MORN2: variants seen among roughly 807,000 people sequenced by gnomAD.
MORN2 encodes the protein MORN repeat-containing protein 2.
Under a neutral mutation model 13.4 loss-of-function variants are expected in MORN2, and 15 were observed. That is an observed-to-expected ratio of 1.12 (90% CI 0.75 to 1.72). The LOEUF (loss-of-function observed/expected upper bound fraction) is 1.72, where lower values mean the gene tolerates loss of function less well. Ranked by LOEUF, MORN2 falls within the 40% of genes most tolerant of loss-of-function variation. The pLI is 0.00. For synonymous variants in MORN2, 46 were observed against 43.6 expected, an observed-to-expected ratio of 1.06 and a Z score of -0.22; for missense variants, 168 against 134.6, an observed-to-expected ratio of 1.25 and a Z score of -1.23.
intron 1 of MORN2, among the ~76,000 whole-genome samples, chr2:38,878,171 T>C (rs1483381955): frequency 2.0e-5 from 3 of 152,198 alleles, no homozygotes; most frequent in African/African-American, 7.2e-5. Flanking sequence ...TGAAAATAAT[T>C]TTGTCTCGGA....
In MORN2 at chr2:38,880,222, C is replaced by T. The variant is rs892296886; in HGVS notation, c.102C>T (p.Asp34=). The T allele has an allele frequency of 2.5e-6, 1 of 398,780 alleles. No homozygotes were observed. The highest frequency in any genetic ancestry group is 4.4e-6 in the Non-Finnish European group (1 of 226,090). The allele number at this position is 398,780 out of a possible 1,614,324, so 24.7% of individuals were successfully genotyped here. The stretch of plus-strand genomic sequence containing the variant: ...TCAGCTTTATCTTTCCAAATGGAGA[C>T]AAGTATGGTAAGTATACGCTTCAAT... The change falls in exon 2 of 5, where the codon GAC becomes GAT. Residue 34 remains aspartate, a synonymous_variant. Coordinates refer to ENST00000644631, the MANE Select transcript of MORN2 (RefSeq NM_001145450.3).
chr2:38,882,318 C>A (rs1023950234), intron 4 of MORN2, 95 bp from the exon 5 acceptor site: 18 of 386,896 alleles, frequency 4.7e-5, no homozygotes, highest in East Asian at 2.1e-4. Flanking sequence ...AGGATATAAT[C>A]TTCAGACATA....
intron 3 of MORN2, 99 bp from the exon 4 acceptor site, chr2:38,881,343 T>C: frequency 9.3e-7 from 1 of 1,076,790 alleles, no homozygotes; most frequent in Non-Finnish European, 1.3e-6. Flanking sequence ...GTTGGTTAAG[T>C]AATAATTAGC....
intron 1 of MORN2, among the ~76,000 whole-genome samples, chr2:38,879,198 C>T (rs1665721534): frequency 6.6e-6 from 1 of 152,150 alleles, no homozygotes; most frequent in Non-Finnish European, 1.5e-5. Context: ...ATTCCTCACT[C>T]CACCTTACCT....
At chr2:38,877,580 A>G (rs1017130840) in intron 1 of MORN2, among the ~76,000 whole-genome samples, 1 of 152,048 alleles carries the variant, frequency 6.6e-6, no homozygotes, top group Non-Finnish European at 1.5e-5. Flanking sequence ...ATTGCTCTCT[A>G]TCCTCCACAC....
intron 4 of MORN2, 142 bp downstream of exon 4, chr2:38,881,720 G>A (rs1330433813): frequency 1.9e-5 from 12 of 648,064 alleles, no homozygotes; most frequent in East Asian, 3.7e-5. Flanking sequence ...GAGTGATCTC[G>A]GCTCACTGCA....
At chr2:38,877,134 C>G (rs1665652113) in intron 1 of MORN2, among the ~76,000 whole-genome samples, 1 of 152,122 alleles carries the variant, frequency 6.6e-6, no homozygotes, top group African/African-American at 2.4e-5. Context: ...GAAAGTAGCT[C>G]TGACGCCTGT....
At chr2:38,878,592 A>T (rs1379135091) in intron 1 of MORN2, among the ~76,000 whole-genome samples, 2 of 152,008 alleles carry the variant, frequency 1.3e-5, no homozygotes, top group Non-Finnish European at 2.9e-5. Flanking sequence ...CACATTTTTC[A>T]ACCTAATGTT....
rs552004131 is a variant in MORN2 at position 38,879,576 on chromosome 2, G to C, written c.59-603G>C. The stretch of plus-strand genomic sequence containing the variant: ...TGATTTCATTTATAAGAAATGTCCA[G>C]AATAGGCAAATCCCTGAGGCAGAAA... On this transcript the variant is annotated intron_variant, in intron 1 of 4. Coordinates refer to ENST00000644631, the MANE Select transcript of MORN2 (RefSeq NM_001145450.3). 1.4e-4 allele frequency among the ~76,000 whole-genome samples: 22 copies of C among 152,128 alleles called. 1 individual carries two copies. The South Asian group carries it at 2.3e-3, about 16-fold the overall frequency.
intron 2 of MORN2, 73 bp from the exon 3 acceptor site, chr2:38,880,527 T>G: frequency 1.1e-6 from 1 of 902,910 alleles, no homozygotes; most frequent in South Asian, 2.4e-5. Context: ...AAGAAACCCA[T>G]GAGGTGTAGT....
At chr2:38,879,432 C>A (rs1665727779) in intron 1 of MORN2, among the ~76,000 whole-genome samples, 1 of 152,136 alleles carries the variant, frequency 6.6e-6, no homozygotes, top group African/African-American at 2.4e-5. Flanking sequence ...TTCTGTACAA[C>A]ATATTTATAC....
intron 1 of MORN2, among the ~76,000 whole-genome samples, chr2:38,879,397 T>A (rs1450807392): frequency 6.6e-6 from 1 of 152,160 alleles, no homozygotes; most frequent in African/African-American, 2.4e-5. Context: ...CATGAACTGA[T>A]GAATGAATAA....
At position 38,881,488 on chromosome 2, in the gene MORN2, A is replaced by C; in HGVS notation, c.263A>C (p.Glu88Ala). The C allele has an allele frequency of 6.5e-7, 1 of 1,546,192 alleles. No individual in the cohort carries two copies. The highest frequency in any genetic ancestry group is 8.7e-7 in the Non-Finnish European group (1 of 1,145,084). Residue 88 changes from glutamate to alanine, a missense_variant, in exon 4 of 5, where the codon GAA (glutamate) becomes GCA (alanine). Coordinates refer to ENST00000644631, the MANE Select transcript of MORN2 (RefSeq NM_001145450.3). The stretch of plus-strand genomic sequence containing the variant: ...GAGCATTTTTCAGGAGCAGTATATG[A>C]AGGACAATTTAAGGATAATATGTTT...
chr2:38,880,651 G>A lies in MORN2; in HGVS notation c.161G>A (p.Gly54Asp), dbSNP rs1409183042. ...GGAATCTACGAGAGAAATGGAATAGGTATTCATACCACTCCTAATGGGATT... is the reference window on the plus strand; with the variant it reads ...GGAATCTACGAGAGAAATGGAATAGATATTCATACCACTCCTAATGGGATT... The change falls in exon 3 of 5, where the codon GGT (glycine) becomes GAT (aspartate). Residue 54 changes from glycine to aspartate, a missense_variant. By Grantham distance (94) the Gly-to-Asp change is moderately conservative (BLOSUM62 -1). Transcript: ENST00000644631. 1 of 1,548,358 alleles carries A rather than the reference G, an allele frequency of 6.5e-7. No individual in the cohort carries two copies. Among genetic ancestry groups the A allele is most frequent in the South Asian group, 1.2e-5 (1 of 83,592 alleles).
intron 1 of MORN2, among the ~76,000 whole-genome samples, chr2:38,878,887 G>A (rs1246234395): frequency 4.6e-5 from 7 of 152,064 alleles, no homozygotes; most frequent in African/African-American, 4.8e-5. Flanking sequence ...TGCCCCACCC[G>A]TAAAGACTGA....
intron 1 of MORN2, among the ~76,000 whole-genome samples, chr2:38,877,390 T>G (rs1328752145): frequency 6.6e-6 from 1 of 152,142 alleles, no homozygotes; most frequent in African/African-American, 2.4e-5. Context: ...TGTAAATAAC[T>G]AATTAATGAG....
chr2:38,882,321 C>T, intron 4 of MORN2, 92 bp from the exon 5 acceptor site: 1 of 418,510 alleles, frequency 2.4e-6, no homozygotes, highest in Admixed American at 4.4e-5. Flanking sequence ...ATATAATCTT[C>T]AGACATAGTA....
chr2:38,880,132 G>A (rs1288459578), intron 1 of MORN2, 47 bp from the exon 2 acceptor site: 3 of 396,214 alleles, frequency 7.6e-6, no homozygotes, highest in African/African-American at 4.1e-5. Flanking sequence ...TGCCTCTATC[G>A]AAAAAAAAGT....
chr2:38,877,282 ATAAATAAAT>A (rs1665661299), intron 1 of MORN2, among the ~76,000 whole-genome samples: 1 of 149,558 alleles, frequency 6.7e-6, no homozygotes, highest in African/African-American at 2.4e-5. Context: ...AAATAAATAA[ATAAATAAAT>A]TAAATTAAAT....
Sources: allele counts gnomAD v4.1 joint callset (sites outside exome capture counted in the v4.1 genomes callset), GRCh38; gene constraint gnomAD v4.1.1; transcripts MANE v1.5; gene names NCBI Gene and HGNC (gene_info 2026-07-23, HGNC 2026-07-21).